RNF213: variants seen among roughly 807,000 people sequenced by gnomAD.
RNF213 encodes ring finger protein 213.
A neutral mutation model predicts 514.4 loss-of-function variants in RNF213; 341 were observed. The observed-to-expected ratio is 0.66, with a 90% confidence interval of 0.61 to 0.73. The LOEUF (loss-of-function observed/expected upper bound fraction) is 0.73, where lower values mean the gene tolerates loss of function less well. RNF213 is among the 30% of genes least tolerant of loss of function. The pLI, the probability that RNF213 is intolerant of heterozygous loss-of-function variation, is 0.00. For synonymous variants in RNF213, 2,655 were observed against 2,658.2 expected (o/e 1.00, Z 0.04); for missense variants, 5,767 against 6,615.6 (o/e 0.87, Z 4.45).
chr17:80,282,913 G>A (rs2044348339), intron 3 of RNF213, among the ~76,000 whole-genome samples: 2 of 149,934 alleles, frequency 1.3e-5, no homozygotes, highest in African/African-American at 2.5e-5. Context: ...GGCCAGGCTG[G>A]TCTCGAACTC....
At chr17:80,282,486 C>T (rs2044336423) in intron 3 of RNF213, among the ~76,000 whole-genome samples, 1 of 152,122 alleles carries the variant, frequency 6.6e-6, no homozygotes, top group Non-Finnish European at 1.5e-5. Flanking sequence ...GCAAGCTCCG[C>T]CTCCCAGGTT....
In RNF213 at chr17:80,353,201, C is replaced by A; in HGVS notation, c.10423+142C>A. 1 of 1,166,810 alleles carries A rather than the reference C, an allele frequency of 8.6e-7. No individual in the cohort carries two copies. Among genetic ancestry groups the A allele is most frequent in the Admixed American group, 1.9e-5 (1 of 51,848 alleles). 72.3% of individuals were successfully genotyped at this position (1,166,810 alleles called of 1,614,324 possible). A position where few individuals can be genotyped will look rare whatever the true frequency, so the allele number is the denominator to read the frequency against. ...GGAGCTCGGGGACACATCTGCAGAA[C>A]TGACTGGTGGCTCATCATAGAGCAC... is the stretch of plus-strand genomic sequence containing the variant. On this transcript the variant is annotated intron_variant, in intron 33 of 67. Transcript: ENST00000582970. The surrounding 1 kb of genome is among the most constrained non-coding windows in gnomAD (Gnocchi z 5.0).
rs545133601 is a variant in RNF213, at chr17:80,395,433, G to C, written c.*1935G>C. 16 of 152,346 alleles carry C rather than the reference G, an allele frequency of 1.1e-4. No individual in the cohort carries two copies. The highest frequency in any genetic ancestry group is 3.8e-4 in the African/African-American group (16 of 41,568). 9.4% of individuals were successfully genotyped at this position (152,346 alleles called of 1,614,324 possible). A position where few individuals can be genotyped will look rare whatever the true frequency, so the allele number is the denominator to read the frequency against. On this transcript the variant is annotated 3_prime_UTR_variant, in exon 68 of 68. Transcript: ENST00000582970. ...AAGCACCCATGAAGTAGTGTGTTCAGACTGTGCACACAGAAAACAGGCTCT... is the reference window on the plus strand; with the variant it reads ...AAGCACCCATGAAGTAGTGTGTTCACACTGTGCACACAGAAAACAGGCTCT...
chr17:80,288,497 G>A lies in RNF213; in HGVS notation c.810+134G>A, dbSNP rs759656834. 5.6e-6 allele frequency: 9 copies of A among 1,596,636 alleles called. No homozygotes were observed. The East Asian group carries it at 6.7e-5, about 12-fold the overall frequency. ...GGGCCCTGCTCCCTGGGTGGGAGTC[G>A]GAGGGCTGCCCCTCCACTGGGGATG... On this transcript the variant is annotated intron_variant, in intron 4 of 67. Transcript: ENST00000582970. This position sits in a 1 kb window ranked among gnomAD's most constrained non-coding sequence, Gnocchi z 4.9.
At chr17:80,362,133 G>T (rs901083684) in intron 39 of RNF213, among the ~76,000 whole-genome samples, 4 of 152,158 alleles carry the variant, frequency 2.6e-5, no homozygotes, top group Non-Finnish European at 4.4e-5. Flanking sequence ...AACATGAGAA[G>T]ACCTCCAATT....
intron 3 of RNF213, among the ~76,000 whole-genome samples, chr17:80,281,672 C>A (rs1378290632): frequency 1.0e-5 from 1 of 97,036 alleles, no homozygotes; most frequent in Non-Finnish European, 2.4e-5. Flanking sequence ...CACACCCCAA[C>A]ATACGCAAGT....
intron 17 of RNF213, chr17:80,320,504 G>A (rs2046104275): frequency 6.6e-6 from 1 of 152,064 alleles, no homozygotes; most frequent in South Asian, 2.1e-4. Flanking sequence ...GCTACTTTTT[G>A]TTTAAAGAGT....
rs562503776 is a variant in RNF213 at position 80,376,377 on chromosome 17, C to T, written c.13262C>T (p.Ser4421Leu). 18 of 1,614,224 alleles carry T rather than the reference C, an allele frequency of 1.1e-5. No individual in the cohort carries two copies. The highest frequency in any genetic ancestry group is 2.7e-5 in the African/African-American group (2 of 75,062). The change falls in exon 52 of 68, where the codon TCG becomes TTG. Residue 4421 changes from serine to leucine, a missense_variant. Coordinates refer to ENST00000582970, the MANE Select transcript of RNF213 (RefSeq NM_001256071.3). Reference sequence around the variant, plus strand: ...CCTGATATCAGCCGTTTTGCAACATCGCTCGTGGACAATTCTGTGCCATTG... The same window carrying T: ...CCTGATATCAGCCGTTTTGCAACATTGCTCGTGGACAATTCTGTGCCATTG... ...SPPDISRFAT[S>L]LVDNSVPLLR...
In RNF213 at chr17:80,343,944, C is replaced by G; in HGVS notation, c.6271C>G (p.Pro2091Ala). The G allele has an allele frequency of 6.2e-7, 1 of 1,614,194 alleles. No homozygotes were observed. The highest frequency in any genetic ancestry group is 8.5e-7 in the Non-Finnish European group (1 of 1,180,028). Residue 2091 changes from proline to alanine, a missense_variant, in exon 28 of 68, where the codon CCC becomes GCC. Pro to Ala is a conservative substitution (Grantham distance 27). Coordinates refer to ENST00000582970, the MANE Select transcript of RNF213 (RefSeq NM_001256071.3). This position sits in a 1 kb window ranked among gnomAD's most constrained non-coding sequence, Gnocchi z 4.3. The stretch of plus-strand genomic sequence containing the variant: ...AAATGGGAAAATGTGGCTTCGGAAC[C>G]CCTGCCATTTGTATATCGTTGAAAT... Reference protein sequence around the residue: ...DINGKMWLRNPCHLYIVEILE... With the variant: ...DINGKMWLRNACHLYIVEILE...
At chr17:80,382,151 G>A (rs62077766) in intron 57 of RNF213, 15,119 of 194,646 alleles carry the variant, frequency 0.078, 734 homozygotes, top group Non-Finnish European at 0.11. Flanking sequence ...ACAGTTGTGT[G>A]CTGATTTATT....
chr17:80,364,368 CGTTTCACCCTTGG>C, intron 41 of RNF213, 52 bp from the exon 42 acceptor site: 1 of 1,611,210 alleles, frequency 6.2e-7, no homozygotes, highest in East Asian at 2.2e-5. Flanking sequence ...TCTCCCTCCT[CGTTTCACCCTTGG>C]GTTCCTTGGT....
At chr17:80,388,716 C>T in intron 64 of RNF213, 27 bp downstream of exon 64, 1 of 1,520,500 alleles carries the variant, frequency 6.6e-7, no homozygotes, top group Non-Finnish European at 9.1e-7. Flanking sequence ...TGATCCTGTG[C>T]ACGGGGCTTT....
intron 67 of RNF213, among the ~76,000 whole-genome samples, chr17:80,391,760 CTTTTTTT>C (rs779136667): frequency 3.0e-4 from 27 of 88,628 alleles, no homozygotes; most frequent in East Asian, 1.5e-3. Context: ...ATAAACTAGC[CTTTTTTT>C]TTTTTTTTTT....
chr17:80,388,570 G>C (rs376159210), intron 63 of RNF213, 42 bp from the exon 64 acceptor site: 2 of 1,300,440 alleles, frequency 1.5e-6, no homozygotes, highest in African/African-American at 2.9e-5. Context: ...AAATGTCCAC[G>C]ATGGATTTAA....
chr17:80,364,613 C>T, intron 42 of RNF213, 60 bp downstream of exon 42: 1 of 1,606,010 alleles, frequency 6.2e-7, no homozygotes, highest in Non-Finnish European at 8.5e-7. Context: ...AAAGGAAGAA[C>T]AGCACTGACA....
At position 80,377,295 on chromosome 17, in the gene RNF213, T is replaced by A. The variant is rs928780425; in HGVS notation, c.13510+332T>A. The stretch of plus-strand genomic sequence containing the variant: ...TCAAAGGCCCACCACAAAACAAAGT[T>A]TTTGACACAAAGCTCTTCTGAAATA... On this transcript the variant is annotated intron_variant, in intron 53 of 67. Transcript: ENST00000582970. The surrounding 1 kb of genome is among the most constrained non-coding windows in gnomAD (Gnocchi z 4.1). 1 of 412,008 alleles carries A rather than the reference T, an allele frequency of 2.4e-6. No individual in the cohort carries two copies. Among genetic ancestry groups the A allele is most frequent in the Admixed American group, 4.0e-5 (1 of 25,136 alleles). The allele number at this position is 412,008 out of a possible 1,614,324, so 25.5% of individuals were successfully genotyped here. A position where few individuals can be genotyped will look rare whatever the true frequency, so the allele number is the denominator to read the frequency against.
intron 29 of RNF213, 93 bp downstream of exon 29, chr17:80,348,379 G>A: frequency 3.9e-6 from 6 of 1,548,518 alleles, no homozygotes; most frequent in Non-Finnish European, 5.3e-6. Context: ...CCAGGCAGCG[G>A]TTAGGGATCC....
Position 80,317,854 on chromosome 17 carries a change from C to T in RNF213, c.2901+577C>T, listed in dbSNP as rs1193331985. ...CAATGTGACAGCCTCTTTTAGGTACCCACACTCGGTGGGTCCCAAGCTCTT... is the reference window on the plus strand; with the variant it reads ...CAATGTGACAGCCTCTTTTAGGTACTCACACTCGGTGGGTCCCAAGCTCTT... On this transcript the variant is annotated intron_variant, in intron 16 of 67. Coordinates refer to ENST00000582970, the MANE Select transcript of RNF213 (RefSeq NM_001256071.3). This position sits in a 1 kb window ranked among gnomAD's most constrained non-coding sequence, Gnocchi z 4.1. 1.3e-5 allele frequency among the ~76,000 whole-genome samples: 2 copies of T among 152,114 alleles called. No homozygotes were observed. Among genetic ancestry groups the T allele is most frequent in the East Asian group, 1.9e-4 (1 of 5,188 alleles).
intron 14 of RNF213, among the ~76,000 whole-genome samples, chr17:80,311,395 C>T (rs1170341438): frequency 1.3e-5 from 2 of 152,178 alleles, no homozygotes; most frequent in Non-Finnish European, 2.9e-5. Flanking sequence ...TATTGGCCAT[C>T]GCTGTCCAGC....
Sources: allele counts gnomAD v4.1 joint callset (sites outside exome capture counted in the v4.1 genomes callset), GRCh38; gene constraint gnomAD v4.1.1; non-coding constraint Gnocchi (gnomAD v3.1); transcripts MANE v1.5; gene names NCBI Gene and HGNC (gene_info 2026-07-23, HGNC 2026-07-21).